DENND1A: variants seen among roughly 807,000 people sequenced by gnomAD.
DENND1A encodes DENN domain containing 1A, also known as DENN domain-containing protein 1A.
A neutral mutation model predicts 113.7 loss-of-function variants in DENND1A; 51 were observed. That is an observed-to-expected ratio of 0.45 (90% confidence interval 0.36 to 0.57). DENND1A has a LOEUF of 0.57. Ranked by LOEUF, DENND1A falls within the 20% of genes least tolerant of loss-of-function variation. The probability of loss-of-function intolerance (pLI) is 0.00; values close to 1 mark genes in which losing one functional copy is unlikely to be tolerated. For synonymous variants in DENND1A, 565 were observed against 570.8 expected, an observed-to-expected ratio of 0.99 and a Z score of 0.14; for missense variants, 1,258 against 1,395.9, an observed-to-expected ratio of 0.90 and a Z score of 1.57.
intron 2 of DENND1A, among the ~76,000 whole-genome samples, chr9:123,799,551 C>T (rs1357296655): frequency 1.3e-5 from 2 of 152,080 alleles, no homozygotes; most frequent in South Asian, 2.1e-4. Flanking sequence ...AAAGGTTCCA[C>T]GAAGAAGTAG....
chr9:123,490,161 T>C (rs558244442), intron 13 of DENND1A, among the ~76,000 whole-genome samples: 2 of 152,324 alleles, frequency 1.3e-5, no homozygotes, highest in African/African-American at 4.8e-5. Context: ...GTGCAAAGTT[T>C]TATGTTTAAT....
intron 2 of DENND1A, among the ~76,000 whole-genome samples, chr9:123,810,274 T>C (rs139842892): frequency 0.011 from 1,613 of 152,296 alleles, 18 homozygotes; most frequent in Non-Finnish European, 0.016. Context: ...AACTCTTTTC[T>C]GGGTGGAACT....
intron 5 of DENND1A, among the ~76,000 whole-genome samples, chr9:123,725,155 T>A (rs2067613346): frequency 6.6e-6 from 1 of 152,220 alleles, no homozygotes; most frequent in African/African-American, 2.4e-5. Context: ...AAGCTTTAGA[T>A]AAAGCTAAAA....
At chr9:123,776,203 C>G (rs1830447892) in intron 3 of DENND1A, among the ~76,000 whole-genome samples, 1 of 152,132 alleles carries the variant, frequency 6.6e-6, no homozygotes, top group Non-Finnish European at 1.5e-5. Context: ...CTAACACATA[C>G]TTCATGTAGT....
At chr9:123,390,125 G>A (rs1008969298) in intron 21 of DENND1A, among the ~76,000 whole-genome samples, 8 of 152,212 alleles carry the variant, frequency 5.3e-5, no homozygotes, top group Non-Finnish European at 1.2e-4. Flanking sequence ...GTGCCTCTTC[G>A]CACTTCATAG....
At chr9:123,561,110 C>T (rs544431690) in intron 12 of DENND1A, among the ~76,000 whole-genome samples, 2 of 152,344 alleles carry the variant, frequency 1.3e-5, no homozygotes, top group East Asian at 1.9e-4. Context: ...AAGCCACTGT[C>T]GCTCTCCTTC....
At chr9:123,800,478 G>A (rs1834455639) in intron 2 of DENND1A, among the ~76,000 whole-genome samples, 1 of 152,192 alleles carries the variant, frequency 6.6e-6, no homozygotes. Flanking sequence ...TCAGAGTTAA[G>A]TAACAGAGCT....
At chr9:123,413,868 AG>A (rs2044507811) in intron 19 of DENND1A, 1 of 985,336 alleles carries the variant, frequency 1.0e-6, no homozygotes, top group Non-Finnish European at 1.2e-6. Context: ...CAAGAGGAAG[AG>A]GTGATCAGGG....
chr9:123,560,831 A>G (rs750393082), intron 12 of DENND1A, among the ~76,000 whole-genome samples: 6 of 152,116 alleles, frequency 3.9e-5, no homozygotes, highest in Non-Finnish European at 7.4e-5. Context: ...CCGGGTATCT[A>G]TAACTGATTT....
At chr9:123,478,777 G>C (rs1341347086) in intron 13 of DENND1A, among the ~76,000 whole-genome samples, 1 of 152,194 alleles carries the variant, frequency 6.6e-6, no homozygotes, top group Non-Finnish European at 1.5e-5. Flanking sequence ...CGGTATGTTT[G>C]TAAATTTTTA....
At chr9:123,512,113 A>G (rs1407108214) in intron 13 of DENND1A, among the ~76,000 whole-genome samples, 1 of 152,230 alleles carries the variant, frequency 6.6e-6, no homozygotes, top group Non-Finnish European at 1.5e-5. Flanking sequence ...AGGTGATCAA[A>G]GGCAAAAGAA....
intron 2 of DENND1A, among the ~76,000 whole-genome samples, chr9:123,805,072 C>T (rs1466180654): frequency 2.0e-5 from 3 of 152,172 alleles, no homozygotes; most frequent in African/African-American, 7.2e-5. Context: ...TATACCCACA[C>T]AATTCACTCT....
intron 13 of DENND1A, among the ~76,000 whole-genome samples, chr9:123,530,127 T>C (rs533678908): frequency 3.9e-5 from 6 of 151,980 alleles, no homozygotes; most frequent in Admixed American, 3.3e-4. Context: ...GTTTCCAGAA[T>C]AAAAAAACAA....
intron 21 of DENND1A, among the ~76,000 whole-genome samples, chr9:123,395,062 G>A (rs990296452): frequency 2.0e-5 from 3 of 152,204 alleles, no homozygotes; most frequent in Non-Finnish European, 4.4e-5. Context: ...AAGACAACAC[G>A]TGTGAAATTG....
At chr9:123,913,773 TG>T (rs1854519481) in intron 1 of DENND1A, among the ~76,000 whole-genome samples, 1 of 151,228 alleles carries the variant, frequency 6.6e-6, no homozygotes, top group Non-Finnish European at 1.5e-5. Context: ...GCCATGGTGG[TG>T]CATGCCTGTA....
At chr9:123,676,136 C>T (rs894074625) in intron 6 of DENND1A, among the ~76,000 whole-genome samples, 4 of 152,204 alleles carry the variant, frequency 2.6e-5, no homozygotes, top group Non-Finnish European at 1.5e-5. Flanking sequence ...AAAGGTCCAA[C>T]TGGCCTTTGA....
chr9:123,811,106 C>G (rs1836524125), intron 2 of DENND1A, among the ~76,000 whole-genome samples: 1 of 152,124 alleles, frequency 6.6e-6, no homozygotes, highest in Non-Finnish European at 1.5e-5. Flanking sequence ...TGGACTAGAC[C>G]CTGTTATGCA....
At chr9:123,899,868 C>A (rs1304647846) in intron 1 of DENND1A, among the ~76,000 whole-genome samples, 1 of 152,188 alleles carries the variant, frequency 6.6e-6, no homozygotes, top group African/African-American at 2.4e-5. Flanking sequence ...CTCCTCAATT[C>A]CAGGCTATAA....
At chr9:123,901,390 C>T (rs1851600186) in intron 1 of DENND1A, among the ~76,000 whole-genome samples, 1 of 152,166 alleles carries the variant, frequency 6.6e-6, no homozygotes. Context: ...GCCCTCTACC[C>T]TCCTATTAAA....
Sources: gnomAD v4.1 joint callset for allele counts (sites outside exome capture counted in the v4.1 genomes callset) on GRCh38, gnomAD v4.1.1 for gene constraint, MANE v1.5 for transcripts, NCBI Gene and HGNC (gene_info 2026-07-23, HGNC 2026-07-21) for gene names.